The following SEMA6D variants were observed in gnomAD, a reference collection of about 807,000 sequenced individuals.
SEMA6D encodes semaphorin-6D.
A neutral mutation model predicts 106.6 loss-of-function variants in SEMA6D; 35 were observed. The observed-to-expected ratio is 0.33, with a 90% confidence interval of 0.25 to 0.44. The LOEUF is 0.44. Among genes scored for constraint, SEMA6D ranks in the 20% least tolerant of loss-of-function variants. The pLI is 1.00. For synonymous variants in SEMA6D, 499 were observed against 487.7 expected (o/e 1.02, Z -0.31); for missense variants, 1,185 against 1,345.9 (o/e 0.88, Z 1.87).
At chr15:47,742,129 C>A (rs1174119002) in intron 1 of SEMA6D, among the ~76,000 whole-genome samples, 6 of 152,204 alleles carry the variant, frequency 3.9e-5, no homozygotes, top group African/African-American at 1.4e-4. Context: ...TGGAAATAAG[C>A]ATGTGAATAC....
At chr15:47,493,611 C>A (rs1596145207) in intron 3 of SEMA6D, among the ~76,000 whole-genome samples, 1 of 152,128 alleles carries the variant, frequency 6.6e-6, no homozygotes, top group African/African-American at 2.4e-5. Context: ...CACAATTACA[C>A]CACCTAACAG....
At chr15:47,256,405 A>T (rs958630592) in intron 1 of SEMA6D, among the ~76,000 whole-genome samples, 10 of 152,180 alleles carry the variant, frequency 6.6e-5, no homozygotes, top group African/African-American at 1.9e-4. Flanking sequence ...TTCTGCATAC[A>T]GGTCGCATAA....
At chr15:47,281,963 C>G (rs1215706086) in intron 1 of SEMA6D, among the ~76,000 whole-genome samples, 1 of 152,056 alleles carries the variant, frequency 6.6e-6, no homozygotes, top group Non-Finnish European at 1.5e-5. Context: ...GTAGCTGAAT[C>G]AATTAATTCA....
rs1393950398 is a variant in SEMA6D at position 47,764,954 on chromosome 15, G to C, written c.1325G>C (p.Gly442Ala). 1 of 1,613,806 alleles carries C rather than the reference G, an allele frequency of 6.2e-7. No homozygotes were observed. Among genetic ancestry groups the C allele is most frequent in the Non-Finnish European group, 8.5e-7 (1 of 1,179,884 alleles). ...PYQNYTVIFV[G>A]SEAGMVLKVL... ...CAGAACTACACAGTCATCTTTGTTG[G>C]CTCTGAAGCTGGCATGGTACTTAAA... Residue 442 changes from glycine to alanine, a missense_variant, in exon 13 of 19, where the codon GGC (glycine) becomes GCC (alanine). This residue lies in a region of SEMA6D where 291 missense variants were observed against 423.8 expected (regional missense o/e 0.69). Coordinates refer to ENST00000536845, the MANE Select transcript of SEMA6D (RefSeq NM_001358351.3).
Position 47,765,995 on chromosome 15 carries a change from T to C in SEMA6D, c.1554T>C (p.Tyr518=), listed in dbSNP as rs112152715. The part of the protein sequence containing the change: ...IRIPLSRCER[Y]GSCKKSCIAS... Reference sequence around the variant, plus strand: ...TCCCCCTCAGTCGCTGTGAGCGTTATGGATCATGTAAAAAGTAAGCTCGTG... The same window carrying C: ...TCCCCCTCAGTCGCTGTGAGCGTTACGGATCATGTAAAAAGTAAGCTCGTG... Residue 518 remains tyrosine, a synonymous_variant, in exon 14 of 19, where the codon TAT becomes TAC. Coordinates refer to ENST00000536845, the MANE Select transcript of SEMA6D (RefSeq NM_001358351.3). The C allele has an allele frequency of 1.0e-5, 16 of 1,601,742 alleles. No individual in the cohort carries two copies. The highest frequency in any genetic ancestry group is 8.0e-5 in the African/African-American group (6 of 74,624).
chr15:47,691,648 A>G (rs1483109899), intron 4 of SEMA6D, among the ~76,000 whole-genome samples: 3 of 152,176 alleles, frequency 2.0e-5, no homozygotes, highest in Non-Finnish European at 4.4e-5. Context: ...GTACTTAATT[A>G]AAAGTATTAG....
At chr15:47,499,184 G>T (rs1427965616) in intron 3 of SEMA6D, among the ~76,000 whole-genome samples, 3 of 152,148 alleles carry the variant, frequency 2.0e-5, no homozygotes, top group Non-Finnish European at 4.4e-5. Flanking sequence ...GTTAAAGGTT[G>T]CACATCTAGT....
Position 47,772,824 on chromosome 15 carries a change from T to G in SEMA6D, c.*1039T>G, listed in dbSNP as rs2082691925. The G allele has an allele frequency of 8.7e-6, 1 of 114,642 alleles. No individual in the cohort carries two copies. 7.1% of individuals were successfully genotyped at this position (114,642 alleles called of 1,614,324 possible). ...GTTTCCCCCCCCCCAATAGTAAAAT[T>G]TCTCCTCCTTTAACTCCTCCTACCC... On this transcript the variant is annotated 3_prime_UTR_variant, in exon 19 of 19. Transcript: ENST00000536845.
At chr15:47,536,051 A>G (rs1332420937) in intron 3 of SEMA6D, among the ~76,000 whole-genome samples, 3 of 152,196 alleles carry the variant, frequency 2.0e-5, no homozygotes, top group African/African-American at 2.4e-5. Context: ...GTTGGGAACT[A>G]TGAACAGTTT....
intron 1 of SEMA6D, among the ~76,000 whole-genome samples, chr15:47,406,665 A>G (rs905581025): frequency 1.3e-5 from 2 of 152,028 alleles, no homozygotes; most frequent in Non-Finnish European, 2.9e-5. Context: ...ACCATCAGTT[A>G]TAAGATGAGT....
chr15:47,683,736 T>C (rs1416428762), intron 4 of SEMA6D, among the ~76,000 whole-genome samples: 2 of 152,206 alleles, frequency 1.3e-5, no homozygotes, highest in Non-Finnish European at 2.9e-5. Flanking sequence ...TTACTAGTAT[T>C]GGTATGGCTT....
chr15:47,384,814 GTTTTTTTTTTTTTTTTTT>G (rs1168068495), intron 1 of SEMA6D, among the ~76,000 whole-genome samples: 5 of 65,694 alleles, frequency 7.6e-5, no homozygotes, highest in Admixed American at 2.3e-4. Flanking sequence ...GATTACTAAA[GTTTTTTTTTTTTTTTTTT>G]TTTTTTTTTT....
At chr15:47,667,327 A>G (rs774942491) in intron 4 of SEMA6D, among the ~76,000 whole-genome samples, 24 of 152,256 alleles carry the variant, frequency 1.6e-4, no homozygotes, top group Admixed American at 5.9e-4. Context: ...TACAAACACC[A>G]TTCAAACACA....
At chr15:47,590,883 T>A (rs903045775) in intron 3 of SEMA6D, among the ~76,000 whole-genome samples, 4 of 152,224 alleles carry the variant, frequency 2.6e-5, no homozygotes, top group Admixed American at 1.3e-4. Context: ...ATTTTTTCTT[T>A]GTGAGCCACC....
At position 47,289,537 on chromosome 15, in the gene SEMA6D, T is replaced by G. The variant is rs2035515769; in HGVS notation, c.-239+105119T>G. On this transcript the variant is annotated intron_variant, in intron 1 of 19. Coordinates refer to the SEMA6D transcript ENST00000558014. The stretch of plus-strand genomic sequence containing the variant: ...AGAGCCCAGGGGATTTGATTTTGAG[T>G]GAAAGGCAAAAAGTGAGGCTTCAGG... 2.0e-5 allele frequency among the ~76,000 whole-genome samples: 3 copies of G among 151,676 alleles called. No homozygotes were observed. In the South Asian group the frequency reaches 6.2e-4, roughly 32 times the overall value.
chr15:47,383,009 G>GC (rs1393052219), intron 1 of SEMA6D, among the ~76,000 whole-genome samples: 3 of 152,190 alleles, frequency 2.0e-5, no homozygotes, highest in Non-Finnish European at 4.4e-5. Context: ...CAGGTAATCC[G>GC]CCCCCCTTGG....
chr15:47,309,406 C>A (rs867758967), intron 1 of SEMA6D, among the ~76,000 whole-genome samples: 4 of 152,096 alleles, frequency 2.6e-5, no homozygotes, highest in Non-Finnish European at 2.9e-5. Context: ...AATATCTGAT[C>A]AACTGTTGGG....
intron 1 of SEMA6D, among the ~76,000 whole-genome samples, chr15:47,298,449 G>T (rs1012791697): frequency 6.6e-6 from 1 of 152,020 alleles, no homozygotes; most frequent in African/African-American, 2.4e-5. Flanking sequence ...CTACCTACAG[G>T]AAACAACTGT....
chr15:47,770,363 T>C lies in SEMA6D; in HGVS notation c.1934-134T>C. On this transcript the variant is annotated intron_variant, in intron 18 of 18. Transcript: ENST00000536845. ...TTAAAGACAAAATATACAAGGAATT[T>C]TGGAGTCTACTTGACCCTCCGAGCT... 4.8e-6 allele frequency: 3 copies of C among 625,232 alleles called. No homozygotes were observed. The South Asian group carries it at 8.9e-5, about 18-fold the overall frequency. 38.7% of individuals were successfully genotyped at this position (625,232 alleles called of 1,614,324 possible). A position where few individuals can be genotyped will look rare whatever the true frequency, so the allele number is the denominator to read the frequency against.
Sources: allele counts gnomAD v4.1 joint callset (sites outside exome capture counted in the v4.1 genomes callset), GRCh38; gene constraint gnomAD v4.1.1; regional missense constraint gnomAD v4.1.1; transcripts MANE v1.5; gene names NCBI Gene and HGNC (gene_info 2026-07-23, HGNC 2026-07-21).